Variants in SCN3A observed in about 807,000 individuals in gnomAD.
SCN3A encodes the protein sodium channel protein type 3 subunit alpha.
Under a neutral mutation model 187.6 loss-of-function variants are expected in SCN3A, and 60 were observed. The observed-to-expected ratio is 0.32, with a 90% CI of 0.26 to 0.40. The LOEUF (loss-of-function observed/expected upper bound fraction) is 0.40. SCN3A is among the 10% of genes least tolerant of loss of function. SCN3A has a pLI of 1.00. For missense variants in SCN3A, 1,601 were observed against 2,428.2 expected, an observed-to-expected ratio of 0.66 and a Z score of 7.16; for synonymous variants, 788 against 829.2, an observed-to-expected ratio of 0.95 and a Z score of 0.85.
chr2:165,171,817 T>G (rs1037001144), intron 3 of SCN3A, among the ~76,000 whole-genome samples: 7 of 152,134 alleles, frequency 4.6e-5, no homozygotes, highest in Non-Finnish European at 1.0e-4. Flanking sequence ...GAAATTGTTA[T>G]AAACCATTGA....
Position 165,091,268 on chromosome 2 carries a change from C to T in SCN3A, c.4885G>A (p.Gly1629Ser). 2.5e-6 allele frequency: 4 copies of T among 1,614,098 alleles called. No homozygotes were observed. Among genetic ancestry groups the T allele is most frequent in the Non-Finnish European group, 3.4e-6 (4 of 1,180,004 alleles). The change falls in exon 28 of 28, where the codon GGC becomes AGC. Residue 1629 changes from glycine (G) to serine (S), a missense_variant. Coordinates refer to ENST00000283254, the MANE Select transcript of SCN3A (RefSeq NM_006922.4). ...LFRVIRLARI[G>S]RILRLIKGAK... ...CCTTTGATCAGACGTAGGATTCGGC[C>T]AATCCTGGCAAGACGGATCACTCGG... is the stretch of plus-strand genomic sequence containing the variant.
At position 165,137,957 on chromosome 2, in the gene SCN3A, G is replaced by A. The variant is rs1574190546; in HGVS notation, c.2313C>T (p.Val771=). Reference sequence around the variant, plus strand: ...CCATGGCCATAAAGAGGGTATTTAAGACAATGCAAATAGTGATGGCAAGAT... The same window carrying A: ...CCATGGCCATAAAGAGGGTATTTAAAACAATGCAAATAGTGATGGCAAGAT... The part of the protein sequence containing the change: ...FVDLAITICI[V]LNTLFMAMEH... Residue 771 remains valine (V), a synonymous_variant, in exon 15 of 28, where the codon GTC becomes GTT. Coordinates refer to ENST00000283254, the MANE Select transcript of SCN3A (RefSeq NM_006922.4). The A allele has an allele frequency of 1.2e-6, 2 of 1,613,448 alleles. No individual in the cohort carries two copies. The highest frequency in any genetic ancestry group is 1.3e-5 in the African/African-American group (1 of 74,986).
chr2:165,146,370 A>T (rs1164906400), intron 12 of SCN3A, among the ~76,000 whole-genome samples: 2 of 99,384 alleles, frequency 2.0e-5, no homozygotes, highest in African/African-American at 4.0e-5. Flanking sequence ...AGTGTAGGTT[A>T]TATATATATA....
chr2:165,131,171 A>G, intron 16 of SCN3A, 73 bp downstream of exon 16: 1 of 894,532 alleles, frequency 1.1e-6, no homozygotes, highest in East Asian at 3.2e-5. Context: ...TAATAATTAT[A>G]TAAATATACA....
At position 165,140,507 on chromosome 2, in the gene SCN3A, T is replaced by A. The variant is rs1687942199; in HGVS notation, c.2019+144A>T. The A allele has an allele frequency of 1.4e-6, 1 of 724,978 alleles. No homozygotes were observed. The highest frequency in any genetic ancestry group is 2.4e-6 in the Non-Finnish European group (1 of 408,540). 44.9% of individuals were successfully genotyped at this position (724,978 alleles called of 1,614,324 possible). On this transcript the variant is annotated intron_variant, in intron 13 of 27. Transcript: ENST00000283254. This position sits in a 1 kb window ranked among gnomAD's most constrained non-coding sequence, Gnocchi z 4.2. The stretch of plus-strand genomic sequence containing the variant: ...ATTCAATTGATTCTCAATATTCTAT[T>A]GTTTTCCCTTTGATTAATCATGTAT...
At chr2:165,130,731 G>GAA (rs947876736) in intron 16 of SCN3A, among the ~76,000 whole-genome samples, 4 of 151,450 alleles carry the variant, frequency 2.6e-5, no homozygotes, top group Non-Finnish European at 4.4e-5. Flanking sequence ...AAATGTACAG[G>GAA]AAAAAAATTG....
intron 1 of SCN3A, chr2:165,195,461 A>T (rs1030370380): frequency 6.6e-6 from 1 of 152,184 alleles, no homozygotes; most frequent in Non-Finnish European, 1.5e-5. Flanking sequence ...TTTACAGAAA[A>T]GTCTATCAGA....
intron 21 of SCN3A, among the ~76,000 whole-genome samples, chr2:165,110,847 A>G (rs1686078801): frequency 6.6e-6 from 1 of 152,226 alleles, no homozygotes; most frequent in African/African-American, 2.4e-5. Flanking sequence ...TCATTGAAAC[A>G]TTACTCAATA....
chr2:165,132,811 C>T (rs891731613), intron 15 of SCN3A, among the ~76,000 whole-genome samples: 4 of 152,148 alleles, frequency 2.6e-5, no homozygotes, highest in African/African-American at 9.7e-5. Flanking sequence ...AGCTTCTGCA[C>T]AGCAAAAGAT....
intron 19 of SCN3A, 128 bp downstream of exon 19, chr2:165,115,326 CA>C (rs1686313200): frequency 8.5e-7 from 1 of 1,180,290 alleles, no homozygotes; most frequent in African/African-American, 1.5e-5. Flanking sequence ...CGTAGCCTCC[CA>C]AAATTTTGGG....
Position 165,146,772 on chromosome 2 carries a change from C to T in SCN3A, c.1638G>A (p.Leu546=). The change falls in exon 12 of 28, where the codon CTG becomes CTA. Residue 546 remains leucine, a synonymous_variant. Coordinates refer to ENST00000283254, the MANE Select transcript of SCN3A (RefSeq NM_006922.4). ...SFLFSMDGNR[L]TSDKKFCSPH... is the part of the protein sequence containing the mutation. ...GGGAGCAGAATTTTTTGTCACTGGT[C>T]AGTCTGTTTCCATCCATGGAGAAAA... The T allele has an allele frequency of 6.2e-7, 1 of 1,613,964 alleles. No homozygotes were observed. The highest frequency in any genetic ancestry group is 8.5e-7 in the Non-Finnish European group (1 of 1,179,934).
At chr2:165,194,880 T>G (rs2105979690) in intron 1 of SCN3A, 1 of 152,154 alleles carries the variant, frequency 6.6e-6, no homozygotes, top group South Asian at 2.1e-4. Flanking sequence ...CCAGAGAATC[T>G]GTGTTTTTCC....
intron 18 of SCN3A, among the ~76,000 whole-genome samples, chr2:165,118,557 T>C (rs1254107047): frequency 2.0e-5 from 3 of 152,168 alleles, no homozygotes; most frequent in African/African-American, 7.2e-5. Context: ...TTTTCCCAAG[T>C]TGAAGAATCT....
intron 5 of SCN3A, among the ~76,000 whole-genome samples, chr2:165,165,703 G>A (rs1378129201): frequency 6.6e-6 from 1 of 152,108 alleles, no homozygotes; most frequent in Non-Finnish European, 1.5e-5. Flanking sequence ...AAATTCATTA[G>A]ATTTTTCAGC....
chr2:165,174,153 C>T (rs1356587936), intron 3 of SCN3A, among the ~76,000 whole-genome samples: 6 of 152,218 alleles, frequency 3.9e-5, no homozygotes, highest in Non-Finnish European at 7.3e-5. Flanking sequence ...AAGCAATCCT[C>T]CTGCCTTGGC....
At chr2:165,168,921 G>A in intron 4 of SCN3A, 96 bp from the exon 5 acceptor site, 1 of 785,884 alleles carries the variant, frequency 1.3e-6, no homozygotes, top group Non-Finnish European at 2.2e-6. Context: ...CAAAAACTGT[G>A]AAATTAATAT....
chr2:165,187,384 T>C (rs1237017434), intron 1 of SCN3A, among the ~76,000 whole-genome samples: 2 of 152,032 alleles, frequency 1.3e-5, no homozygotes, highest in African/African-American at 4.8e-5. Flanking sequence ...CTTAGCAGAG[T>C]TAAACCAATA....
intron 18 of SCN3A, among the ~76,000 whole-genome samples, chr2:165,125,228 C>T (rs377105792): frequency 2.6e-5 from 4 of 152,092 alleles, no homozygotes; most frequent in East Asian, 1.9e-4. Flanking sequence ...AGGTCTATTT[C>T]AATTTTATCT....
intron 17 of SCN3A, 60 bp downstream of exon 17, chr2:165,129,880 A>G: frequency 6.2e-7 from 1 of 1,604,972 alleles, no homozygotes; most frequent in Non-Finnish European, 8.5e-7. Flanking sequence ...ACATCTGGCC[A>G]CGTTCCTAGC....
Sources: allele counts gnomAD v4.1 joint callset (sites outside exome capture counted in the v4.1 genomes callset), GRCh38; gene constraint gnomAD v4.1.1; non-coding constraint Gnocchi (gnomAD v3.1); transcripts MANE v1.5; gene names NCBI Gene and HGNC (gene_info 2026-07-23, HGNC 2026-07-21).